Variants in KCNG1 observed in about 807,000 individuals in gnomAD.
The protein encoded by KCNG1 is potassium voltage-gated channel modifier subfamily G member 1.
A neutral mutation model predicts 32.4 loss-of-function variants in KCNG1; 17 were observed. The observed-to-expected ratio is 0.52, with a 90% CI of 0.36 to 0.79. The LOEUF (loss-of-function observed/expected upper bound fraction) is 0.79, where lower values mean the gene tolerates loss of function less well. Among genes scored for constraint, KCNG1 ranks in the 30% least tolerant of loss-of-function variants. The pLI is 0.00. For missense variants in KCNG1, 441 were observed against 735.2 expected (o/e 0.60, Z 4.63); for synonymous variants, 358 against 339.9 (o/e 1.05, Z -0.59).
intron 1 of KCNG1, among the ~76,000 whole-genome samples, chr20:51,019,684 C>T (rs1363468574): frequency 6.6e-6 from 1 of 152,034 alleles, no homozygotes; most frequent in Non-Finnish European, 1.5e-5. Flanking sequence ...TGCCTCTCAA[C>T]CTGTGCCATT....
At position 51,017,839 on chromosome 20, in the gene KCNG1, A is replaced by G. The variant is rs564130450; in HGVS notation, c.-27+5031T>C. Among the ~76,000 whole-genome samples, 5 of 152,286 alleles carry G rather than the reference A, an allele frequency of 3.3e-5. No individual in the cohort carries two copies. In the East Asian group the frequency reaches 9.6e-4, roughly 29 times the overall value. Reference sequence around the variant, plus strand: ...GTGTCAATCTCCTAGAGGCTCTGGAAGGCTGTGAGTCCCGCTTCATTGGAG... The same window carrying G: ...GTGTCAATCTCCTAGAGGCTCTGGAGGGCTGTGAGTCCCGCTTCATTGGAG... On this transcript the variant is annotated intron_variant, in intron 1 of 2. Coordinates refer to ENST00000371571, the MANE Select transcript of KCNG1 (RefSeq NM_002237.4).
intron 1 of KCNG1, among the ~76,000 whole-genome samples, chr20:51,020,858 C>T (rs1988456071): frequency 1.3e-5 from 2 of 152,176 alleles, no homozygotes; most frequent in Admixed American, 1.3e-4. Context: ...GAGGCACCTC[C>T]CTCACCTCTT....
rs771551500 is a variant in KCNG1, at chr20:51,009,780, C to G, written c.559G>C (p.Asp187His). The change falls in exon 2 of 3, where the codon GAC becomes CAC. Residue 187 changes from aspartate to histidine, a missense_variant. By Grantham distance (81) the Asp-to-His change is moderately conservative. This residue lies in a region of KCNG1 where 52 missense variants were observed against 50.3 expected (regional missense o/e 1.03). Coordinates refer to ENST00000371571, the MANE Select transcript of KCNG1 (RefSeq NM_002237.4). ...AEMVEREEED[D>H]ALDSEGRDSE... is the part of the protein sequence containing the mutation. ...TCGCGGCCCTCGCTGTCCAGCGCGT[C>G]GTCCTCTTCCTCCCGCTCCACCATC... 1.2e-6 allele frequency: 2 copies of G among 1,611,576 alleles called. No individual in the cohort carries two copies. The highest frequency in any genetic ancestry group is 1.7e-6 in the Non-Finnish European group (2 of 1,179,842).
chr20:51,017,886 G>A (rs958607371), intron 1 of KCNG1, among the ~76,000 whole-genome samples: 2 of 152,152 alleles, frequency 1.3e-5, no homozygotes, highest in African/African-American at 4.8e-5. Context: ...CTTCTGGTTC[G>A]TGAGAAAAAT....
rs779101548 is a variant in KCNG1, at chr20:51,009,555, G to C, written c.774+10C>G. 3.2e-6 allele frequency: 5 copies of C among 1,586,460 alleles called. No homozygotes were observed. The highest frequency in any genetic ancestry group is 4.3e-6 in the Non-Finnish European group (5 of 1,168,636). Reference sequence around the variant, plus strand: ...GGTGGCGCGTTTCCCCGCGGGGCGTGGGCTCTTACCTGCTCCTCCTCCTCC... The same window carrying C: ...GGTGGCGCGTTTCCCCGCGGGGCGTCGGCTCTTACCTGCTCCTCCTCCTCC... On this transcript the variant is annotated intron_variant, in intron 2 of 2. Transcript: ENST00000371571.
chr20:51,004,621 G>A lies in KCNG1; in HGVS notation c.960C>T (p.Gly320=), dbSNP rs778627481. The change falls in exon 3 of 3, where the codon GGC becomes GGT. Residue 320 remains glycine, a synonymous_variant. Transcript: ENST00000371571. This position sits in a 1 kb window ranked among gnomAD's most constrained non-coding sequence, Gnocchi z 4.3. ...CGGGCTTGCGACGGCCTGCGGCGGC[G>A]CCGTCCACCAGCAGCGTGATGTAGT... ...LPYYITLLVD[G]AAAGRRKPGA... 1.3e-6 allele frequency: 2 copies of A among 1,589,158 alleles called. No individual in the cohort carries two copies. Among genetic ancestry groups the A allele is most frequent in the East Asian group, 4.6e-5 (2 of 43,518 alleles).
chr20:51,016,690 A>G (rs1484656801), intron 1 of KCNG1, among the ~76,000 whole-genome samples: 1 of 152,190 alleles, frequency 6.6e-6, no homozygotes, highest in African/African-American at 2.4e-5. Context: ...GTGAGGACAA[A>G]AGCAGATGGC....
Position 51,004,629 on chromosome 20 carries a change from C to G in KCNG1, c.952G>C (p.Val318Leu). 1 of 1,595,360 alleles carries G rather than the reference C, an allele frequency of 6.3e-7. No individual in the cohort carries two copies. Among genetic ancestry groups the G allele is most frequent in the Non-Finnish European group, 8.5e-7 (1 of 1,170,714 alleles). The change falls in exon 3 of 3, where the codon GTG becomes CTG. Residue 318 changes from valine (V) to leucine (L), a missense_variant. Physicochemically the swap from Val to Leu is conservative, Grantham distance 32. Around this residue, in one of 6 missense-constraint regions of KCNG1, gnomAD observed 169 missense variants for 297.7 expected, o/e 0.57. Coordinates refer to ENST00000371571, the MANE Select transcript of KCNG1 (RefSeq NM_002237.4). This position sits in a 1 kb window ranked among gnomAD's most constrained non-coding sequence, Gnocchi z 4.3. ...CGACGGCCTGCGGCGGCGCCGTCCACCAGCAGCGTGATGTAGTAGGGCAGG... is the reference window on the plus strand; with the variant it reads ...CGACGGCCTGCGGCGGCGCCGTCCAGCAGCAGCGTGATGTAGTAGGGCAGG... Reference protein sequence around the residue: ...AILPYYITLLVDGAAAGRRKP... With the variant: ...AILPYYITLLLDGAAAGRRKP...
intron 1 of KCNG1, among the ~76,000 whole-genome samples, chr20:51,017,446 C>T (rs773422477): frequency 1.1e-4 from 17 of 152,136 alleles, no homozygotes; most frequent in Admixed American, 2.0e-4. Context: ...GGGGAAGAAG[C>T]GCGGGGATTG....
chr20:51,020,744 C>T (rs1197324691), intron 1 of KCNG1, among the ~76,000 whole-genome samples: 1 of 152,106 alleles, frequency 6.6e-6, no homozygotes, highest in Non-Finnish European at 1.5e-5. Context: ...AAAGGACAGC[C>T]GAGCCAAGGT....
At chr20:51,013,219 T>C (rs1381554672) in intron 1 of KCNG1, among the ~76,000 whole-genome samples, 1 of 152,102 alleles carries the variant, frequency 6.6e-6, no homozygotes, top group Non-Finnish European at 1.5e-5. Context: ...GGAGAATCCC[T>C]TGAACCCAGG....
rs1161897512 is a variant in KCNG1 at position 51,010,058 on chromosome 20, G to C, written c.281C>G (p.Ala94Gly). The C allele has an allele frequency of 2.5e-6, 4 of 1,613,994 alleles. No individual in the cohort carries two copies. In the Admixed American group the frequency reaches 5.0e-5, roughly 20 times the overall value. Residue 94 changes from alanine (A) to glycine (G), a missense_variant, in exon 2 of 3, where the codon GCC becomes GGC. By Grantham distance (60) the Ala-to-Gly change is moderately conservative (BLOSUM62 0). Coordinates refer to ENST00000371571, the MANE Select transcript of KCNG1 (RefSeq NM_002237.4). ...FPLTRLGQLKACTNFDDILNV... is the reference protein window; with the variant it reads ...FPLTRLGQLKGCTNFDDILNV... ...GAGGATGTCGTCGAAGTTGGTGCAG[G>C]CCTTGAGCTGGCCCAGGCGCGTCAG... is the stretch of plus-strand genomic sequence containing the variant.
At chr20:51,009,394 C>T in intron 2 of KCNG1, 171 bp downstream of exon 2, 1 of 815,114 alleles carries the variant, frequency 1.2e-6, no homozygotes, top group Non-Finnish European at 1.9e-6. Flanking sequence ...CCATGATGCT[C>T]ACATATTAAC....
chr20:51,009,640 C>A lies in KCNG1; in HGVS notation c.699G>T (p.Ser233=). The change falls in exon 2 of 3, where the codon TCG becomes TCT. Residue 233 remains serine (S), a synonymous_variant. Coordinates refer to ENST00000371571, the MANE Select transcript of KCNG1 (RefSeq NM_002237.4). ...GLPGKVFACL[S]VLFVTVTAVN... ...CGGCGGTGACGGTCACGAAGAGCAC[C>A]GACAGGCAGGCGAACACCTTGCCAG... 1 of 1,609,950 alleles carries A rather than the reference C, an allele frequency of 6.2e-7. No homozygotes were observed. Among genetic ancestry groups the A allele is most frequent in the Non-Finnish European group, 8.5e-7 (1 of 1,179,636 alleles).
At position 51,004,523 on chromosome 20, in the gene KCNG1, A is replaced by T; in HGVS notation, c.1058T>A (p.Val353Glu). The stretch of plus-strand genomic sequence containing the variant: ...CAGGGAGTGGCGCGCCAGGCGCATC[A>T]CGTACAGGATGCGCAGCGCCCGCAG... ...RVLRALRILY[V>E]MRLARHSLGL... The change falls in exon 3 of 3, where the codon GTG becomes GAG. Residue 353 changes from valine to glutamate, a missense_variant. Transcript: ENST00000371571. The surrounding 1 kb of genome is among the most constrained non-coding windows in gnomAD (Gnocchi z 4.3). 6.3e-7 allele frequency: 1 copy of T among 1,592,182 alleles called. No homozygotes were observed.
chr20:51,021,619 T>C lies in KCNG1; in HGVS notation c.-27+1251A>G, dbSNP rs56113304. Reference sequence around the variant, plus strand: ...ACCAGTTCCTGCTCCCTCCTCTTACTTCCCCCTGTACTTATCTCAGGGAGT... The same window carrying C: ...ACCAGTTCCTGCTCCCTCCTCTTACCTCCCCCTGTACTTATCTCAGGGAGT... On this transcript the variant is annotated intron_variant, in intron 1 of 2. Coordinates refer to ENST00000371571, the MANE Select transcript of KCNG1 (RefSeq NM_002237.4). Among the ~76,000 whole-genome samples, 448 of 152,238 alleles carry C rather than the reference T, an allele frequency of 2.9e-3. 1 individual carries two copies. The highest frequency in any genetic ancestry group is 0.01 in the African/African-American group (423 of 41,562).
intron 1 of KCNG1, among the ~76,000 whole-genome samples, chr20:51,010,570 G>A (rs566743680): frequency 6.6e-6 from 1 of 152,170 alleles, no homozygotes; most frequent in Non-Finnish European, 1.5e-5. Context: ...TGAGAGCAAC[G>A]CCCCCACGAT....
intron 1 of KCNG1, among the ~76,000 whole-genome samples, chr20:51,013,286 G>T (rs1988160403): frequency 2.0e-5 from 3 of 151,986 alleles, no homozygotes; most frequent in Admixed American, 6.6e-5. Context: ...TGGTGACAGA[G>T]CAAGACTCTG....
chr20:51,010,911 A>G, intron 1 of KCNG1, among the ~76,000 whole-genome samples: 1 of 30,854 alleles, frequency 3.2e-5, no homozygotes, highest in Admixed American at 4.1e-4. Flanking sequence ...TAAAAACAAA[A>G]CAAAACAAAA....
Sources: allele counts gnomAD v4.1 joint callset (sites outside exome capture counted in the v4.1 genomes callset), GRCh38; gene constraint gnomAD v4.1.1; regional missense constraint gnomAD v4.1.1; non-coding constraint Gnocchi (gnomAD v3.1); transcripts MANE v1.5; gene names NCBI Gene and HGNC (gene_info 2026-07-23, HGNC 2026-07-21).